The following UNC13C variants were observed in gnomAD, a reference collection of about 807,000 sequenced individuals.
UNC13C encodes protein unc-13 homolog C.
A neutral mutation model predicts 245.4 loss-of-function variants in UNC13C; 174 were observed. The ratio of observed to expected loss-of-function variants is 0.71; its 90% CI spans 0.63 to 0.80. The LOEUF is 0.80. Ranked by LOEUF, UNC13C falls within the 30% of genes least tolerant of loss-of-function variation. The pLI is 0.00. For synonymous variants in UNC13C, 992 were observed against 895.1 expected, an observed-to-expected ratio of 1.11 and a Z score of -1.93; for missense variants, 2,829 against 2,602.9, an observed-to-expected ratio of 1.09 and a Z score of -1.89.
At chr15:53,904,748 G>A in the UNC13C span, among the ~76,000 whole-genome samples, 1 of 152,128 alleles carries the variant, frequency 6.6e-6, no homozygotes, top group East Asian at 1.9e-4. Flanking sequence ...ATGGGCATGA[G>A]CATACATTTT....
At chr15:54,183,443 A>G (rs1181555044) in intron 4 of UNC13C, among the ~76,000 whole-genome samples, 1 of 151,618 alleles carries the variant, frequency 6.6e-6, no homozygotes, top group Non-Finnish European at 1.5e-5. Context: ...TTGCAAAGCA[A>G]AAGATTATTT....
chr15:54,511,652 G>T, intron 23 of UNC13C, 101 bp from the exon 24 acceptor site: 1 of 760,548 alleles, frequency 1.3e-6, no homozygotes, highest in South Asian at 1.7e-5. Flanking sequence ...TAATATAATA[G>T]GAATCCAAGA....
the UNC13C span, among the ~76,000 whole-genome samples, chr15:53,838,017 A>G: frequency 6.6e-6 from 1 of 152,152 alleles, no homozygotes; most frequent in Non-Finnish European, 1.5e-5. Flanking sequence ...CCCTTGCTTA[A>G]TCATCAATTT....
chr15:54,280,796 A>G (rs1364055740), intron 10 of UNC13C, among the ~76,000 whole-genome samples: 1 of 148,986 alleles, frequency 6.7e-6, no homozygotes, highest in African/African-American at 2.5e-5. Context: ...ATATATATAT[A>G]TATACTTTTT....
chr15:54,537,199 C>T (rs1376553829), intron 26 of UNC13C, among the ~76,000 whole-genome samples: 2 of 151,904 alleles, frequency 1.3e-5, no homozygotes, highest in Admixed American at 6.6e-5. Context: ...AAACTGAGAG[C>T]CAAATCGAGA....
At chr15:53,916,228 A>AG in the UNC13C span, among the ~76,000 whole-genome samples, 1 of 152,150 alleles carries the variant, frequency 6.6e-6, no homozygotes, top group African/African-American at 2.4e-5. Flanking sequence ...AAGGCAGACT[A>AG]TGGGGACTGA....
chr15:53,924,383 T>C, the UNC13C span, among the ~76,000 whole-genome samples: 1 of 152,216 alleles, frequency 6.6e-6, no homozygotes, highest in East Asian at 1.9e-4. Flanking sequence ...GGAGGAATGA[T>C]GCTTTCCCTT....
chr15:54,090,289 A>G (rs1899492597), intron 2 of UNC13C, among the ~76,000 whole-genome samples: 1 of 124,498 alleles, frequency 8.0e-6, no homozygotes, highest in African/African-American at 2.7e-5. Context: ...CTCTGTTGTT[A>G]CTATAGAAAA....
chr15:54,385,319 TAAAG>T (rs1007156805), intron 17 of UNC13C, among the ~76,000 whole-genome samples: 12 of 152,100 alleles, frequency 7.9e-5, no homozygotes, highest in South Asian at 2.1e-4. Flanking sequence ...GAACAACAGA[TAAAG>T]AAAGTATGGT....
At chr15:54,617,316 T>C (rs1900505625) in intron 30 of UNC13C, among the ~76,000 whole-genome samples, 1 of 152,004 alleles carries the variant, frequency 6.6e-6, no homozygotes, top group African/African-American at 2.4e-5. Flanking sequence ...CTAAACCAGG[T>C]CAAAATTTGC....
At chr15:54,335,902 A>G (rs913091291) in intron 16 of UNC13C, among the ~76,000 whole-genome samples, 7 of 152,132 alleles carry the variant, frequency 4.6e-5, no homozygotes, top group Non-Finnish European at 1.0e-4. Context: ...GAGAGTCCCA[A>G]TTGTTCTGCA....
chr15:53,861,099 C>T, the UNC13C span, among the ~76,000 whole-genome samples: 1 of 152,064 alleles, frequency 6.6e-6, no homozygotes, highest in East Asian at 1.9e-4. Flanking sequence ...TAATTTTATT[C>T]AAAATATCAT....
At chr15:54,465,021 A>C (rs1430318108) in intron 19 of UNC13C, among the ~76,000 whole-genome samples, 1 of 152,082 alleles carries the variant, frequency 6.6e-6, no homozygotes. Context: ...TGTATATTAC[A>C]CAGATAATAC....
At chr15:54,357,196 T>C (rs2039116022) in intron 17 of UNC13C, among the ~76,000 whole-genome samples, 1 of 152,084 alleles carries the variant, frequency 6.6e-6, no homozygotes. Flanking sequence ...AGGTTAAATG[T>C]GTATGACTCA....
Position 54,455,877 on chromosome 15 carries a change from A to G in UNC13C, c.4934-38731A>G, listed in dbSNP as rs534266980. Among the ~76,000 whole-genome samples the G allele has an allele frequency of 7.9e-5, 12 of 152,162 alleles. No homozygotes were observed. The East Asian group carries it at 2.3e-3, about 29-fold the overall frequency. On this transcript the variant is annotated intron_variant, in intron 19 of 32. Coordinates refer to ENST00000260323, the MANE Select transcript of UNC13C (RefSeq NM_001080534.3). The stretch of plus-strand genomic sequence containing the variant: ...GTGCAGAAGCTTTTTAATTTAATTA[A>G]ATCCCATCTATATATCTTTGTTTTT...
chr15:54,087,929 T>C (rs1273887259), intron 2 of UNC13C, among the ~76,000 whole-genome samples: 1 of 152,200 alleles, frequency 6.6e-6, no homozygotes, highest in Admixed American at 6.5e-5. Flanking sequence ...AAGGCAACTT[T>C]TGCTATTGTT....
chr15:54,540,814 G>A (rs182999508), intron 26 of UNC13C, among the ~76,000 whole-genome samples: 80 of 152,170 alleles, frequency 5.3e-4, no homozygotes, highest in Non-Finnish European at 9.1e-4. Flanking sequence ...GGTCTAAGCA[G>A]GGTTAGTCAG....
At chr15:54,472,395 T>C (rs1009001804) in intron 19 of UNC13C, among the ~76,000 whole-genome samples, 3 of 151,900 alleles carry the variant, frequency 2.0e-5, no homozygotes, top group African/African-American at 7.2e-5. Context: ...CCCATTGTTA[T>C]GTCAGTTTTA....
intron 18 of UNC13C, among the ~76,000 whole-genome samples, chr15:54,406,767 C>T (rs2040302543): frequency 6.6e-6 from 1 of 152,136 alleles, no homozygotes; most frequent in African/African-American, 2.4e-5. Flanking sequence ...ATGCACTTCT[C>T]TTTGCCCTTA....
Sources: allele counts gnomAD v4.1 joint callset (sites outside exome capture counted in the v4.1 genomes callset), GRCh38; gene constraint gnomAD v4.1.1; transcripts MANE v1.5; gene names NCBI Gene and HGNC (gene_info 2026-07-23, HGNC 2026-07-21).